The following TAOK3 variants were observed in gnomAD, a reference collection of about 807,000 sequenced individuals.
TAOK3 encodes serine/threonine-protein kinase TAO3.
In TAOK3, 40 loss-of-function variants were observed where a neutral mutation model predicts 120.4. That is an observed-to-expected ratio of 0.33 (90% confidence interval 0.26 to 0.43). The LOEUF is 0.43. Among genes scored for constraint, TAOK3 ranks in the 20% least tolerant of loss-of-function variants. TAOK3 has a pLI of 1.00. For synonymous variants in TAOK3, 355 were observed against 387.5 expected (o/e 0.92, Z 0.99); for missense variants, 821 against 1,112.1 (o/e 0.74, Z 3.72).
At chr12:118,184,029 T>C (rs975804592) in intron 14 of TAOK3, among the ~76,000 whole-genome samples, 2 of 152,180 alleles carry the variant, frequency 1.3e-5, no homozygotes, top group Non-Finnish European at 2.9e-5. Flanking sequence ...TTTCTACTTG[T>C]ACCAGATCAC....
At chr12:118,207,858 T>TCACACACACACACACACACA (rs55978716) in intron 11 of TAOK3, among the ~76,000 whole-genome samples, 2,453 of 144,374 alleles carry the variant, frequency 0.017, 32 homozygotes, top group African/African-American at 0.024. Context: ...AGACTCTGTC[T>TCACACACACACACACACACA]CACACACACA....
chr12:118,207,889 CAT>C (rs1555221792), intron 11 of TAOK3, among the ~76,000 whole-genome samples: 2 of 151,698 alleles, frequency 1.3e-5, no homozygotes, highest in South Asian at 4.2e-4. Flanking sequence ...CACACACACA[CAT>C]GCACAAATTA....
chr12:118,273,666 A>T (rs995198879), intron 1 of TAOK3, among the ~76,000 whole-genome samples: 1 of 152,028 alleles, frequency 6.6e-6, no homozygotes, highest in African/African-American at 2.4e-5. Flanking sequence ...ATAGAAAAAA[A>T]TTAGCTGGGC....
At chr12:118,343,715 T>G (rs1452073362) in intron 1 of TAOK3, among the ~76,000 whole-genome samples, 1 of 152,176 alleles carries the variant, frequency 6.6e-6, no homozygotes. Flanking sequence ...ATGAGTCTTA[T>G]AAAAAATCCA....
At chr12:118,316,275 C>T (rs2043453081) in intron 1 of TAOK3, among the ~76,000 whole-genome samples, 1 of 152,208 alleles carries the variant, frequency 6.6e-6, no homozygotes, top group South Asian at 2.1e-4. Context: ...CTGCAGCATA[C>T]CTGCTACTCA....
At chr12:118,244,527 C>CTTTTTTTTTTTT (rs377072006) in intron 4 of TAOK3, among the ~76,000 whole-genome samples, 2 of 129,558 alleles carry the variant, frequency 1.5e-5, no homozygotes, top group Non-Finnish European at 1.6e-5. Flanking sequence ...TTTCTTTTTT[C>CTTTTTTTTTTTT]TTTTTCTTTT....
rs779664090 is a variant in TAOK3, at chr12:118,238,193, T to C, written c.341-24A>G. ...AACTGAGGAAGGAAAAAAAAAAAAGTCAGTAGATGATCAGTTTCATTCCTC... is the reference window on the plus strand; with the variant it reads ...AACTGAGGAAGGAAAAAAAAAAAAGCCAGTAGATGATCAGTTTCATTCCTC... On this transcript the variant is annotated intron_variant, in intron 6 of 20. Coordinates refer to ENST00000392533, the MANE Select transcript of TAOK3 (RefSeq NM_016281.4). The C allele has an allele frequency of 1.9e-5, 25 of 1,306,662 alleles. No homozygotes were observed. In the African/African-American group the frequency reaches 3.5e-4, roughly 18 times the overall value. The allele number at this position is 1,306,662 out of a possible 1,614,324, so 80.9% of individuals were successfully genotyped here.
At chr12:118,169,877 C>T (rs1278307085) in intron 17 of TAOK3, among the ~76,000 whole-genome samples, 4 of 151,934 alleles carry the variant, frequency 2.6e-5, no homozygotes, top group Non-Finnish European at 4.4e-5. Context: ...CCTGCCACTG[C>T]GCCCAGCCAA....
At position 118,160,121 on chromosome 12, in the gene TAOK3, C is replaced by T. The variant is rs368075642; in HGVS notation, c.2352+25G>A. The T allele has an allele frequency of 3.3e-4, 524 of 1,565,956 alleles. 1 individual carries two copies. The highest frequency in any genetic ancestry group is 4.3e-4 in the Non-Finnish European group (489 of 1,136,476). On this transcript the variant is annotated intron_variant, in intron 19 of 20. Coordinates refer to ENST00000392533, the MANE Select transcript of TAOK3 (RefSeq NM_016281.4). The surrounding 1 kb of genome is among the most constrained non-coding windows in gnomAD (Gnocchi z 4.2). The stretch of plus-strand genomic sequence containing the variant: ...TCTTGATTCCCAAAGCTCTCGAAGC[C>T]GTGGCACCAAACCTAACCACTTACC...
At chr12:118,308,658 G>A (rs1170221214) in intron 1 of TAOK3, among the ~76,000 whole-genome samples, 4 of 152,008 alleles carry the variant, frequency 2.6e-5, no homozygotes, top group Non-Finnish European at 5.9e-5. Flanking sequence ...GGCCGGGCGC[G>A]GTGGCTCACA....
chr12:118,192,220 A>T lies in TAOK3; in HGVS notation c.1195-2279T>A, dbSNP rs115717700. Among the ~76,000 whole-genome samples the T allele has an allele frequency of 4.9e-4, 75 of 152,340 alleles. 1 individual carries two copies. Among genetic ancestry groups the T allele is most frequent in the African/African-American group, 1.8e-3 (74 of 41,590 alleles). ...TTACTAAACTTGAGGAAGTTGAAGT[A>T]CACCGGAAAAATTAAAACTTGAAAT... On this transcript the variant is annotated intron_variant, in intron 13 of 20. Coordinates refer to ENST00000392533, the MANE Select transcript of TAOK3 (RefSeq NM_016281.4).
Position 118,255,615 on chromosome 12 carries a change from T to G in TAOK3, c.-48A>C. The G allele has an allele frequency of 6.5e-7, 1 of 1,545,610 alleles. No individual in the cohort carries two copies. Among genetic ancestry groups the G allele is most frequent in the Non-Finnish European group, 8.7e-7 (1 of 1,146,836 alleles). On this transcript the variant is annotated 5_prime_UTR_variant, in exon 3 of 21. Transcript: ENST00000392533. Reference sequence around the variant, plus strand: ...GCTTTTTGATATCAGTTAGCTTTATTTCTCATTGACAATTTTTTTTGGGGG... The same window carrying G: ...GCTTTTTGATATCAGTTAGCTTTATGTCTCATTGACAATTTTTTTTGGGGG...
At chr12:118,192,138 G>A (rs907273907) in intron 13 of TAOK3, among the ~76,000 whole-genome samples, 1 of 152,112 alleles carries the variant, frequency 6.6e-6, no homozygotes, top group East Asian at 1.9e-4. Flanking sequence ...TAACTCCTTA[G>A]AAACACGGTT....
intron 7 of TAOK3, among the ~76,000 whole-genome samples, 155 bp downstream of exon 7, chr12:118,237,918 C>T (rs1312362376): frequency 6.6e-6 from 1 of 152,134 alleles, no homozygotes; most frequent in Admixed American, 6.5e-5. Flanking sequence ...AAGCTAAATT[C>T]TGGCAACTTT....
At chr12:118,154,231 G>A (rs1427345058) in intron 19 of TAOK3, among the ~76,000 whole-genome samples, 1 of 152,100 alleles carries the variant, frequency 6.6e-6, no homozygotes, top group Non-Finnish European at 1.5e-5. Flanking sequence ...TTCATTCTAT[G>A]GTCAATTTAG....
rs1371037463 is a variant in TAOK3, at chr12:118,202,619, TGTTGAG to T, written c.820-1162_820-1157del. 3.3e-5 allele frequency among the ~76,000 whole-genome samples: 5 copies of T among 152,204 alleles called. No homozygotes were observed. In the East Asian group the frequency reaches 9.6e-4, roughly 29 times the overall value. Reference sequence around the variant, plus strand: ...ATTTCCATTTCCAATAATTAGTGAATGTTGAGTATCTTTTCATATAAGAATTCTTGA... The same window carrying T: ...ATTTCCATTTCCAATAATTAGTGAATTATCTTTTCATATAAGAATTCTTGA... On this transcript the variant is annotated intron_variant, in intron 11 of 20. Transcript: ENST00000392533.
chr12:118,258,986 A>G (rs572500761), intron 2 of TAOK3, among the ~76,000 whole-genome samples: 28 of 152,318 alleles, frequency 1.8e-4, no homozygotes, highest in Admixed American at 8.5e-4. Context: ...GGGGGAAAAC[A>G]AGGATTATAG....
At chr12:118,217,941 A>G (rs1356662364) in intron 9 of TAOK3, among the ~76,000 whole-genome samples, 1 of 141,106 alleles carries the variant, frequency 7.1e-6, no homozygotes, top group Non-Finnish European at 1.5e-5. Context: ...GCTCACTGCA[A>G]CCTCTGCCTC....
chr12:118,219,682 C>T lies in TAOK3; in HGVS notation c.644-5572G>A, dbSNP rs568650767. ...GCATCTCAGCTCACTGCAGCCTTGA[C>T]CTCCTGGGCTCAGGTGATGTTCCCA... On this transcript the variant is annotated intron_variant, in intron 9 of 20. Transcript: ENST00000392533. 2.0e-5 allele frequency among the ~76,000 whole-genome samples: 3 copies of T among 152,026 alleles called. No homozygotes were observed. In the South Asian group the frequency reaches 6.2e-4, roughly 32 times the overall value.
Sources: gnomAD v4.1 joint callset for allele counts (sites outside exome capture counted in the v4.1 genomes callset) on GRCh38, gnomAD v4.1.1 for gene constraint, Gnocchi (gnomAD v3.1) non-coding constraint, MANE v1.5 for transcripts, NCBI Gene and HGNC (gene_info 2026-07-23, HGNC 2026-07-21) for gene names.